Variants in MRPL34 observed in about 807,000 individuals in gnomAD.
The protein encoded by MRPL34 is mitochondrial ribosomal protein L34.
MRPL34 carries 8 observed loss-of-function variants against 6.7 expected under a neutral mutation model. The observed-to-expected ratio is 1.20, with a 90% CI of 0.70 to 2.16. The LOEUF (loss-of-function observed/expected upper bound fraction) is 2.16. MRPL34 is among the 30% of genes most tolerant of loss of function. The pLI, the probability that MRPL34 is intolerant of heterozygous loss-of-function variation, is 0.00. For synonymous variants in MRPL34, 59 were observed against 55.1 expected (o/e 1.07, Z -0.31); for missense variants, 146 against 125.5 (o/e 1.16, Z -0.78).
rs556716539 is a variant in MRPL34 at position 17,294,873 on chromosome 19, G to A, written c.214+2019G>A. 27 of 1,605,584 alleles carry A rather than the reference G, an allele frequency of 1.7e-5. No individual in the cohort carries two copies. The South Asian group carries it at 2.3e-4, about 14-fold the overall frequency. ...GCCCGGAACGGGTGGGGTGATAGGA[G>A]GATTGAAGGGAGGCGGTCAGCAGGA... On this transcript the variant is annotated intron_variant, in intron 1 of 2. Coordinates refer to the MRPL34 transcript ENST00000595444.
intron 1 of MRPL34, chr19:17,294,508 GT>G: frequency 6.2e-7 from 1 of 1,613,782 alleles, no homozygotes; most frequent in Non-Finnish European, 8.5e-7. Flanking sequence ...GCCGGCCCTG[GT>G]GGTGGTGGAG....
chr19:17,295,068 C>A (rs896568605), intron 1 of MRPL34, among the ~76,000 whole-genome samples: 9 of 150,604 alleles, frequency 6.0e-5, no homozygotes, highest in African/African-American at 2.2e-4. Context: ...AGATTGCAGG[C>A]GCACACCACC....
At chr19:17,301,188 G>A, upstream of MRPL34, 3 of 1,605,030 alleles carry the variant, frequency 1.9e-6, no homozygotes, top group Non-Finnish European at 2.5e-6. Context: ...GCCCACCACT[G>A]CCACTGCCGC....
chr19:17,301,425 G>A (rs61735361), upstream of MRPL34: 2,838 of 1,612,154 alleles, frequency 1.8e-3, 38 homozygotes, highest in African/African-American at 0.032. Flanking sequence ...CTGCATCCGA[G>A]GATGCGGATG....
At chr19:17,294,261 T>C (rs2074083449) in intron 1 of MRPL34, 1 of 1,588,526 alleles carries the variant, frequency 6.3e-7, no homozygotes, top group South Asian at 1.1e-5. Flanking sequence ...GATTTGTAGC[T>C]GTGGCGCCCC....
At chr19:17,303,794 C>T (rs1237020318), upstream of MRPL34, among the ~76,000 whole-genome samples, 1 of 152,196 alleles carries the variant, frequency 6.6e-6, no homozygotes, top group Non-Finnish European at 1.5e-5. Flanking sequence ...TTGACCTTTC[C>T]ATTCTAGAAG....
chr19:17,294,502 G>T (rs1437396291), intron 1 of MRPL34: 1 of 1,613,802 alleles, frequency 6.2e-7, no homozygotes, highest in South Asian at 1.1e-5. Flanking sequence ...GGCGAAGCCG[G>T]CCCTGGTGGT....
chr19:17,293,308 G>A (rs2074079139), intron 1 of MRPL34, among the ~76,000 whole-genome samples: 1 of 151,930 alleles, frequency 6.6e-6, no homozygotes, highest in Non-Finnish European at 1.5e-5. Flanking sequence ...TGTTTGTCAG[G>A]CTGATCTCCA....
At chr19:17,299,234 A>AT, upstream of MRPL34, among the ~76,000 whole-genome samples, 3 of 128,914 alleles carry the variant, frequency 2.3e-5, no homozygotes, top group South Asian at 8.1e-4. Context: ...ACATAATGAG[A>AT]CCCCCCCCCC....
chr19:17,301,774 G>T, upstream of MRPL34: 1 of 772,298 alleles, frequency 1.3e-6, no homozygotes, highest in Non-Finnish European at 1.8e-6. Context: ...AGATTTTTTT[G>T]TTTGTGTGTG....
chr19:17,300,103 ACCGT>A (rs1396085846), upstream of MRPL34, among the ~76,000 whole-genome samples: 1 of 150,150 alleles, frequency 6.7e-6, no homozygotes, highest in Admixed American at 6.6e-5. Flanking sequence ...ACAGGGTTTC[ACCGT>A]GTTAGCCAGG....
chr19:17,306,088 C>T, intron 1 of MRPL34, 78 bp from the exon 2 acceptor site: 2 of 1,503,618 alleles, frequency 1.3e-6, no homozygotes, highest in South Asian at 1.2e-5. Flanking sequence ...TCTCCGGGAG[C>T]CGAGGCTCAG....
chr19:17,295,883 A>C (rs1423287102), intron 1 of MRPL34, among the ~76,000 whole-genome samples: 1 of 151,150 alleles, frequency 6.6e-6, no homozygotes, highest in African/African-American at 2.4e-5. Flanking sequence ...AATTTTTAAA[A>C]ATTTTTTTAT....
At chr19:17,295,060 A>G (rs1056512355) in intron 1 of MRPL34, among the ~76,000 whole-genome samples, 6 of 142,466 alleles carry the variant, frequency 4.2e-5, no homozygotes, top group Non-Finnish European at 9.1e-5. Flanking sequence ...AGTAGCTGAG[A>G]TTGCAGGCGC....
rs1308011172 is a variant in MRPL34, at chr19:17,295,359, G to A, written c.214+2505G>A. 5.9e-5 allele frequency among the ~76,000 whole-genome samples: 9 copies of A among 152,066 alleles called. No homozygotes were observed. The East Asian group carries it at 1.7e-3, about 29-fold the overall frequency. ...TGACCTCAAGTGATCCATCCGCCTC[G>A]GCCTCCCAAAGTGCTGGGATTACAG... On this transcript the variant is annotated intron_variant, in intron 1 of 2. Coordinates refer to the MRPL34 transcript ENST00000595444.
At chr19:17,304,299 T>A (rs1017322634), upstream of MRPL34, among the ~76,000 whole-genome samples, 5 of 152,208 alleles carry the variant, frequency 3.3e-5, no homozygotes, top group Admixed American at 2.6e-4. Context: ...CCTCTGCCCT[T>A]TGCTGATGTG....
chr19:17,301,236 G>T, upstream of MRPL34: 1 of 1,591,488 alleles, frequency 6.3e-7, no homozygotes. Flanking sequence ...AGCGGCCATC[G>T]CTGCCCGCCG....
upstream of MRPL34, chr19:17,303,564 C>A (rs1040206643): frequency 6.6e-6 from 1 of 152,406 alleles, no homozygotes; most frequent in Non-Finnish European, 1.5e-5. Context: ...CTGGGAGCAA[C>A]GGCCCCGCCC....
intron 1 of MRPL34, among the ~76,000 whole-genome samples, chr19:17,296,988 C>T (rs529145654): frequency 6.6e-6 from 1 of 152,246 alleles, no homozygotes; most frequent in African/African-American, 2.4e-5. Flanking sequence ...AGCCACCGTG[C>T]CTGGCCAAAA....
Sources: allele counts gnomAD v4.1 joint callset (sites outside exome capture counted in the v4.1 genomes callset), GRCh38; gene constraint gnomAD v4.1.1; transcripts MANE v1.5; gene names NCBI Gene and HGNC (gene_info 2026-07-23, HGNC 2026-07-21).